The following OPCML variants were observed in gnomAD, a reference collection of about 807,000 sequenced individuals.
OPCML encodes opioid binding protein/cell adhesion molecule like, also known as opioid-binding protein/cell adhesion molecule.
OPCML carries 13 observed loss-of-function variants against 37.8 expected under a neutral mutation model. That is an observed-to-expected ratio of 0.34 (90% CI 0.22 to 0.55). The LOEUF is 0.55. Among genes scored for constraint, OPCML ranks in the 20% least tolerant of loss-of-function variants. OPCML has a pLI of 0.91. For synonymous variants in OPCML, 176 were observed against 168.8 expected, an observed-to-expected ratio of 1.04 and a Z score of -0.33; for missense variants, 341 against 435.6, an observed-to-expected ratio of 0.78 and a Z score of 1.93.
At chr11:133,217,625 C>G (rs1231416237) in intron 1 of OPCML, among the ~76,000 whole-genome samples, 1 of 152,152 alleles carries the variant, frequency 6.6e-6, no homozygotes, top group East Asian at 1.9e-4. Flanking sequence ...CTTGGTGAAG[C>G]CCTCTTCAGC....
At chr11:132,853,958 T>G (rs529346745) in intron 2 of OPCML, among the ~76,000 whole-genome samples, 2 of 152,206 alleles carry the variant, frequency 1.3e-5, no homozygotes, top group South Asian at 4.1e-4. Flanking sequence ...AACTCAATTC[T>G]GACGTTATCT....
chr11:133,361,970 G>C (rs760023729), intron 1 of OPCML: 2 of 152,548 alleles, frequency 1.3e-5, no homozygotes, highest in African/African-American at 4.8e-5. Context: ...CGCCGTCCGA[G>C]GAGCTGGCAA....
At chr11:133,188,971 A>C (rs1938198535) in intron 1 of OPCML, among the ~76,000 whole-genome samples, 2 of 152,166 alleles carry the variant, frequency 1.3e-5, no homozygotes, top group Non-Finnish European at 2.9e-5. Context: ...AAGATATCCC[A>C]GTACAAACTC....
At chr11:132,637,612 G>C (rs1162986976) in intron 3 of OPCML, among the ~76,000 whole-genome samples, 2 of 152,000 alleles carry the variant, frequency 1.3e-5, no homozygotes, top group African/African-American at 4.8e-5. Flanking sequence ...TTTGGTCTTT[G>C]CTTGGACTTT....
chr11:133,257,556 A>G (rs982214923), intron 1 of OPCML, among the ~76,000 whole-genome samples: 2 of 152,146 alleles, frequency 1.3e-5, no homozygotes, highest in African/African-American at 4.8e-5. Context: ...TTATGCTATT[A>G]AAGTTCTTAC....
intron 1 of OPCML, among the ~76,000 whole-genome samples, chr11:133,500,769 G>A (rs993232025): frequency 6.6e-6 from 1 of 152,170 alleles, no homozygotes; most frequent in African/African-American, 2.4e-5. Flanking sequence ...TACTCTCAAC[G>A]GATAGCACCA....
intron 1 of OPCML, among the ~76,000 whole-genome samples, chr11:133,488,157 T>C (rs1248160655): frequency 6.6e-6 from 1 of 152,078 alleles, no homozygotes; most frequent in Non-Finnish European, 1.5e-5. Context: ...ACAGCCAACA[T>C]CTTACTTAAC....
At chr11:132,571,312 C>T (rs1171926367) in intron 3 of OPCML, among the ~76,000 whole-genome samples, 2 of 152,094 alleles carry the variant, frequency 1.3e-5, no homozygotes, top group African/African-American at 4.8e-5. Context: ...TTCTTCCCCA[C>T]CTGTCAGACG....
intron 4 of OPCML, among the ~76,000 whole-genome samples, chr11:132,508,591 CA>C (rs1251153276): frequency 1.3e-5 from 2 of 152,182 alleles, no homozygotes; most frequent in Non-Finnish European, 2.9e-5. Context: ...GGGAGGGACC[CA>C]GGGGGAGGTA....
chr11:132,507,432 A>G (rs1211687861), intron 4 of OPCML, among the ~76,000 whole-genome samples: 1 of 151,966 alleles, frequency 6.6e-6, no homozygotes, highest in Non-Finnish European at 1.5e-5. Context: ...AGGTATATTC[A>G]ATTACATATA....
chr11:132,608,909 A>G (rs558263468), intron 3 of OPCML, among the ~76,000 whole-genome samples: 14 of 152,198 alleles, frequency 9.2e-5, no homozygotes. Context: ...GAGTTCCAAT[A>G]TATCTGAGAT....
intron 7 of OPCML, among the ~76,000 whole-genome samples, chr11:132,427,927 C>T (rs756367792): frequency 1.1e-4 from 17 of 152,188 alleles, no homozygotes; most frequent in African/African-American, 3.1e-4. Flanking sequence ...CAAATGATTA[C>T]GCTGCTGTCA....
In OPCML at chr11:133,522,229, G is replaced by C. The variant is rs142392739; in HGVS notation, c.61+10035C>G. Among the ~76,000 whole-genome samples, 143 of 152,220 alleles carry C rather than the reference G, an allele frequency of 9.4e-4. 1 individual carries two copies. The East Asian group carries it at 0.024, about 26-fold the overall frequency. ...GATTCTCAGTATAGATTTTCTCTTGGCTTAGTGCAGAGCCAAGCCCAAACA... is the reference window on the plus strand; with the variant it reads ...GATTCTCAGTATAGATTTTCTCTTGCCTTAGTGCAGAGCCAAGCCCAAACA... On this transcript the variant is annotated intron_variant, in intron 1 of 7. Transcript: ENST00000524381.
At position 132,863,153 on chromosome 11, in the gene OPCML, C is replaced by T. The variant is rs1942377800; in HGVS notation, c.146+79773G>A. 2.0e-5 allele frequency among the ~76,000 whole-genome samples: 3 copies of T among 152,118 alleles called. No individual in the cohort carries two copies. The South Asian group carries it at 6.2e-4, about 32-fold the overall frequency. ...GGCATGGGGCGTGATCAGACCCTTC[C>T]TGCCTGTAGCTACATTGCATGGGGC... On this transcript the variant is annotated intron_variant, in intron 2 of 7. Transcript: ENST00000524381.
At position 132,417,162 on chromosome 11, in the gene OPCML, G is replaced by A. The variant is rs1293645832; in HGVS notation, c.*3031C>T. On this transcript the variant is annotated 3_prime_UTR_variant, in exon 8 of 8. Transcript: ENST00000524381. ...CTGGCACCCTGAACAAATCTAGCCTGTAGGCATTCTCCATGTACTCTCCGT... is the reference window on the plus strand; with the variant it reads ...CTGGCACCCTGAACAAATCTAGCCTATAGGCATTCTCCATGTACTCTCCGT... The A allele has an allele frequency of 6.6e-6, 1 of 152,386 alleles. No individual in the cohort carries two copies. The highest frequency in any genetic ancestry group is 1.5e-5 in the Non-Finnish European group (1 of 68,062). 9.4% of individuals were successfully genotyped at this position (152,386 alleles called of 1,614,324 possible). A position where few individuals can be genotyped will look rare whatever the true frequency, so the allele number is the denominator to read the frequency against.
At chr11:132,659,066 C>G (rs1001278254) in intron 2 of OPCML, among the ~76,000 whole-genome samples, 2 of 152,138 alleles carry the variant, frequency 1.3e-5, no homozygotes, top group African/African-American at 4.8e-5. Flanking sequence ...ACCTGATAAT[C>G]TAGGTACCAT....
intron 3 of OPCML, among the ~76,000 whole-genome samples, chr11:132,606,105 T>C (rs900567109): frequency 6.6e-6 from 1 of 152,188 alleles, no homozygotes; most frequent in African/African-American, 2.4e-5. Flanking sequence ...CAGAAGGAAT[T>C]TCGTCTTATA....
At chr11:133,130,364 A>G (rs556841311) in intron 1 of OPCML, among the ~76,000 whole-genome samples, 4 of 152,288 alleles carry the variant, frequency 2.6e-5, no homozygotes, top group African/African-American at 9.6e-5. Context: ...GGAAAGGAGA[A>G]AGGAACATAA....
intron 3 of OPCML, among the ~76,000 whole-genome samples, chr11:132,598,857 C>A (rs922341150): frequency 2.6e-5 from 4 of 152,122 alleles, no homozygotes; most frequent in Non-Finnish European, 4.4e-5. Flanking sequence ...TGAAGCTAAC[C>A]TTTTAAAAAA....
Sources: gnomAD v4.1 joint callset for allele counts (sites outside exome capture counted in the v4.1 genomes callset) on GRCh38, gnomAD v4.1.1 for gene constraint, MANE v1.5 for transcripts, NCBI Gene and HGNC (gene_info 2026-07-23, HGNC 2026-07-21) for gene names.